The following PACSIN2 variants were observed in gnomAD, a reference collection of about 807,000 sequenced individuals.
The protein encoded by PACSIN2 is protein kinase C and casein kinase substrate in neurons protein 2.
Under a neutral mutation model 63.8 loss-of-function variants are expected in PACSIN2, and 25 were observed. That is an observed-to-expected ratio of 0.39 (90% CI 0.29 to 0.55). The LOEUF is 0.55. PACSIN2 is among the 20% of genes least tolerant of loss of function. The pLI, the probability that PACSIN2 is intolerant of heterozygous loss-of-function variation, is 0.62. For missense variants in PACSIN2, 518 were observed against 646.9 expected (o/e 0.80, Z 2.16); for synonymous variants, 255 against 256.2 (o/e 1.00, Z 0.05).
chr22:42,935,452 G>C (rs900099065), intron 1 of PACSIN2, among the ~76,000 whole-genome samples: 2 of 152,108 alleles, frequency 1.3e-5, no homozygotes, highest in Non-Finnish European at 2.9e-5. Context: ...TCATGGTCTT[G>C]TCTAGGGTCA....
At chr22:42,948,222 GA>G (rs1419531211) in intron 1 of PACSIN2, among the ~76,000 whole-genome samples, 5 of 152,180 alleles carry the variant, frequency 3.3e-5, no homozygotes, top group African/African-American at 1.2e-4. Flanking sequence ...AAGGAGGGGA[GA>G]GGGGACTGAC....
At chr22:42,991,218 G>T (rs1176719643) in intron 1 of PACSIN2, among the ~76,000 whole-genome samples, 1 of 152,174 alleles carries the variant, frequency 6.6e-6, no homozygotes, top group East Asian at 1.9e-4. Flanking sequence ...TGTGACTGAA[G>T]GGAAAAGAAT....
intron 1 of PACSIN2, among the ~76,000 whole-genome samples, chr22:43,014,339 C>CAGAGCTGGG (rs1924712467): frequency 7.2e-6 from 1 of 139,092 alleles, no homozygotes; most frequent in South Asian, 2.3e-4. Flanking sequence ...CACACACACA[C>CAGAGCTGGG]ACACACACAC....
intron 2 of PACSIN2, among the ~76,000 whole-genome samples, chr22:42,898,122 T>C (rs948862877): frequency 5.3e-5 from 8 of 151,976 alleles, no homozygotes; most frequent in African/African-American, 1.7e-4. Flanking sequence ...ACCCAGGGCA[T>C]GCGAGCCAAA....
chr22:42,888,527 G>T, intron 5 of PACSIN2, 116 bp downstream of exon 5: 4 of 1,015,304 alleles, frequency 3.9e-6, no homozygotes, highest in Non-Finnish European at 6.0e-6. Flanking sequence ...GTGTTTTATT[G>T]GTTATTTATC....
At chr22:42,969,194 T>C (rs1921057086) in intron 1 of PACSIN2, among the ~76,000 whole-genome samples, 3 of 152,248 alleles carry the variant, frequency 2.0e-5, no homozygotes, top group African/African-American at 7.2e-5. Flanking sequence ...CATTCTCAGT[T>C]TGAAATATGG....
chr22:43,014,781 G>A (rs1322220647), intron 1 of PACSIN2, among the ~76,000 whole-genome samples: 1 of 94,176 alleles, frequency 1.1e-5, no homozygotes, highest in Admixed American at 1.3e-4. Flanking sequence ...TCCCCGAGCC[G>A]ACCCCACTCG....
At chr22:42,878,509 A>G (rs940639464) in intron 8 of PACSIN2, among the ~76,000 whole-genome samples, 31 of 152,202 alleles carry the variant, frequency 2.0e-4, no homozygotes, top group African/African-American at 6.8e-4. Context: ...TGCCACCCTT[A>G]TATCTCTCAT....
intron 1 of PACSIN2, among the ~76,000 whole-genome samples, chr22:42,927,297 G>A (rs1393037278): frequency 6.6e-6 from 1 of 151,788 alleles, no homozygotes; most frequent in Non-Finnish European, 1.5e-5. Context: ...CCAGACTGGA[G>A]CACAGTGGCA....
intron 1 of PACSIN2, among the ~76,000 whole-genome samples, chr22:42,933,009 G>C (rs946752394): frequency 2.0e-5 from 3 of 152,238 alleles, no homozygotes; most frequent in African/African-American, 7.2e-5. Flanking sequence ...AAATTCTCAA[G>C]TATCAAGAGT....
chr22:42,896,547 G>T (rs1258129681), intron 2 of PACSIN2, among the ~76,000 whole-genome samples: 1 of 152,132 alleles, frequency 6.6e-6, no homozygotes, highest in East Asian at 1.9e-4. Flanking sequence ...AGGTTGCTTG[G>T]GTCATTTTCA....
At chr22:42,927,645 T>C (rs1174811898) in intron 1 of PACSIN2, among the ~76,000 whole-genome samples, 3 of 152,110 alleles carry the variant, frequency 2.0e-5, no homozygotes, top group Non-Finnish European at 4.4e-5. Context: ...TGGAGTGCAA[T>C]GGCGTGATCT....
At chr22:42,908,680 G>A (rs1280056189) in intron 2 of PACSIN2, among the ~76,000 whole-genome samples, 1 of 152,208 alleles carries the variant, frequency 6.6e-6, no homozygotes, top group South Asian at 2.1e-4. Context: ...AATCCCACAC[G>A]ACTTCCCATT....
At chr22:42,900,149 C>G (rs888452307) in intron 2 of PACSIN2, among the ~76,000 whole-genome samples, 2 of 152,208 alleles carry the variant, frequency 1.3e-5, no homozygotes, top group South Asian at 4.1e-4. Flanking sequence ...ACCACCTGCA[C>G]CCACAGACAG....
intron 7 of PACSIN2, among the ~76,000 whole-genome samples, 170 bp from the exon 8 acceptor site, chr22:42,879,339 C>T (rs780509464): frequency 6.6e-5 from 10 of 152,222 alleles, no homozygotes; most frequent in Non-Finnish European, 1.3e-4. Flanking sequence ...CTCCCCATGC[C>T]CCACTTATGA....
intron 2 of PACSIN2, among the ~76,000 whole-genome samples, chr22:42,897,631 C>T (rs973403330): frequency 1.3e-5 from 2 of 152,194 alleles, no homozygotes; most frequent in South Asian, 4.1e-4. Flanking sequence ...CATACATGTG[C>T]CTGGACATCC....
intron 1 of PACSIN2, among the ~76,000 whole-genome samples, chr22:43,003,890 C>T (rs975127457): frequency 6.6e-6 from 1 of 152,184 alleles, no homozygotes; most frequent in Non-Finnish European, 1.5e-5. Flanking sequence ...GAGTCACCCA[C>T]GGCCTTGACC....
chr22:42,961,795 C>T (rs944920968), intron 1 of PACSIN2, among the ~76,000 whole-genome samples: 1 of 152,048 alleles, frequency 6.6e-6, no homozygotes, highest in Non-Finnish European at 1.5e-5. Flanking sequence ...AAAAGAAATT[C>T]CTTAATGGAA....
chr22:42,918,275 T>C (rs867858160), intron 1 of PACSIN2, among the ~76,000 whole-genome samples: 18 of 152,298 alleles, frequency 1.2e-4, no homozygotes, highest in African/African-American at 4.1e-4. Context: ...AAAAGCTATT[T>C]GATGACTGAA....
Sources: gnomAD v4.1 joint callset for allele counts (sites outside exome capture counted in the v4.1 genomes callset) on GRCh38, gnomAD v4.1.1 for gene constraint, MANE v1.5 for transcripts, NCBI Gene and HGNC (gene_info 2026-07-23, HGNC 2026-07-21) for gene names.